Variants in AMBRA1 observed in about 807,000 individuals in gnomAD.
AMBRA1 encodes autophagy and beclin 1 regulator 1.
A neutral mutation model predicts 125.4 loss-of-function variants in AMBRA1; 47 were observed. The ratio of observed to expected loss-of-function variants is 0.37; its 90% CI spans 0.30 to 0.48. AMBRA1 has a LOEUF of 0.48. AMBRA1 is among the 20% of genes least tolerant of loss of function. The probability of loss-of-function intolerance (pLI) is 0.99; values close to 1 mark genes in which losing one functional copy is unlikely to be tolerated. For missense variants in AMBRA1, 1,331 were observed against 1,693.4 expected (o/e 0.79, Z 3.76); for synonymous variants, 626 against 655.5 (o/e 0.95, Z 0.69).
intron 11 of AMBRA1, among the ~76,000 whole-genome samples, chr11:46,474,754 T>C (rs945719922): frequency 6.6e-6 from 1 of 152,152 alleles, no homozygotes; most frequent in Non-Finnish European, 1.5e-5. Context: ...CCAGAAAGGA[T>C]TAGTACTCAT....
chr11:46,424,987 T>C (rs1947049263), intron 14 of AMBRA1, among the ~76,000 whole-genome samples: 1 of 151,430 alleles, frequency 6.6e-6, no homozygotes, highest in Non-Finnish European at 1.5e-5. Flanking sequence ...ATACAAAAAT[T>C]AGCCAGGCTG....
intron 15 of AMBRA1, among the ~76,000 whole-genome samples, chr11:46,417,159 C>A (rs981943876): frequency 6.6e-6 from 1 of 151,846 alleles, no homozygotes. Context: ...TCAAGCGATT[C>A]CCCTGCCTCA....
chr11:46,585,356 A>G (rs2044331387), intron 1 of AMBRA1, among the ~76,000 whole-genome samples: 1 of 150,682 alleles, frequency 6.6e-6, no homozygotes, highest in Non-Finnish European at 1.5e-5. Context: ...ATAAAAATAA[A>G]TAAATAAATA....
rs572531478 is a variant in AMBRA1, at chr11:46,427,341, T to A, written c.2976+6133A>T. Among the ~76,000 whole-genome samples the A allele has an allele frequency of 3.3e-5, 5 of 152,260 alleles. No homozygotes were observed. The South Asian group carries it at 1.0e-3, about 32-fold the overall frequency. ...TCAGCAGCAGCAGCAGCAGCAGCCA[T>A]CATTAGTCTCTGTAAGGATGGATAC... On this transcript the variant is annotated intron_variant, in intron 14 of 17. Transcript: ENST00000683756.
intron 7 of AMBRA1, among the ~76,000 whole-genome samples, chr11:46,537,415 G>GAGACT (rs1952529689): frequency 6.6e-6 from 1 of 152,196 alleles, no homozygotes; most frequent in African/African-American, 2.4e-5. Flanking sequence ...TCATCAGAGA[G>GAGACT]AGACTAGACT....
chr11:46,547,768 A>C (rs1392684749), intron 3 of AMBRA1, 49 bp downstream of exon 3: 1 of 1,558,592 alleles, frequency 6.4e-7, no homozygotes, highest in East Asian at 2.3e-5. Context: ...CCAAATATAC[A>C]GAAAGCACTG....
intron 8 of AMBRA1, among the ~76,000 whole-genome samples, 172 bp downstream of exon 8, chr11:46,512,555 G>A (rs1951303959): frequency 6.6e-6 from 1 of 152,128 alleles, no homozygotes; most frequent in Non-Finnish European, 1.5e-5. Flanking sequence ...CAGAGGTACT[G>A]TTCACTTACC....
rs1373923077 is a variant in AMBRA1 at position 46,397,887 on chromosome 11, G to A, written c.3460C>T (p.Leu1154=). The change falls in exon 18 of 18, where the codon CTG becomes TTG. Residue 1154 remains leucine (L), a synonymous_variant. Coordinates refer to ENST00000683756, the MANE Select transcript of AMBRA1 (RefSeq NM_001387011.1). ...GCTGTCATGCCGCCCTCCGCCATCAGCCTCTGGATCCTGCTGAGCGCATCT... is the reference window on the plus strand; with the variant it reads ...GCTGTCATGCCGCCCTCCGCCATCAACCTCTGGATCCTGCTGAGCGCATCT... ...GEDALSRIQR[L]MAEGGMTAVV... 1.9e-6 allele frequency: 3 copies of A among 1,599,780 alleles called. No homozygotes were observed. Among genetic ancestry groups the A allele is most frequent in the Non-Finnish European group, 2.5e-6 (3 of 1,179,916 alleles).
chr11:46,588,942 G>T (rs977119874), intron 1 of AMBRA1, among the ~76,000 whole-genome samples: 3 of 152,060 alleles, frequency 2.0e-5, no homozygotes, highest in African/African-American at 7.2e-5. Context: ...CAAAAAAATG[G>T]AAAAATAGTA....
intron 11 of AMBRA1, among the ~76,000 whole-genome samples, chr11:46,463,128 G>A (rs897032737): frequency 2.0e-5 from 3 of 152,112 alleles, no homozygotes; most frequent in African/African-American, 7.2e-5. Context: ...AAGCCCCATG[G>A]CACTTTGTTT....
intron 11 of AMBRA1, among the ~76,000 whole-genome samples, chr11:46,478,648 C>CTTT (rs11449187): frequency 0.032 from 2,607 of 81,718 alleles, 35 homozygotes; most frequent in African/African-American, 0.035. Flanking sequence ...TCTTTTTTCT[C>CTTT]TTTTTTTTTT....
Position 46,433,516 on chromosome 11 carries a change from G to C in AMBRA1, c.2934C>G (p.Val978=). 3 of 1,614,180 alleles carry C rather than the reference G, an allele frequency of 1.9e-6. No individual in the cohort carries two copies. The highest frequency in any genetic ancestry group is 2.5e-6 in the Non-Finnish European group (3 of 1,180,012). The change falls in exon 14 of 18, where the codon GTC becomes GTG. Residue 978 remains valine, a synonymous_variant. Transcript: ENST00000683756. ...CACCATGGGCCTGTTGCAGCCTGAAGACCTGGGCCACCATGTGCTCTGTGG... is the reference window on the plus strand; with the variant it reads ...CACCATGGGCCTGTTGCAGCCTGAACACCTGGGCCACCATGTGCTCTGTGG... ...HPSTEHMVAQ[V]FRLQQAHGGE...
At chr11:46,458,890 C>T (rs905076698) in intron 11 of AMBRA1, among the ~76,000 whole-genome samples, 6 of 152,190 alleles carry the variant, frequency 3.9e-5, no homozygotes, top group Admixed American at 1.3e-4. Flanking sequence ...AGGTCCTAGA[C>T]GGCTTTTACT....
intron 14 of AMBRA1, chr11:46,428,564 A>C: frequency 2.6e-6 from 3 of 1,152,180 alleles, no homozygotes; most frequent in Non-Finnish European, 3.8e-6. Flanking sequence ...GGCAATGAGG[A>C]TCTTTTCCAC....
At chr11:46,416,273 A>G (rs1379824193) in intron 15 of AMBRA1, among the ~76,000 whole-genome samples, 1 of 152,198 alleles carries the variant, frequency 6.6e-6, no homozygotes, top group African/African-American at 2.4e-5. Context: ...GTATTTCAGG[A>G]CAGATCCTGG....
At chr11:46,540,751 T>A (rs1174942995) in intron 7 of AMBRA1, among the ~76,000 whole-genome samples, 2 of 152,254 alleles carry the variant, frequency 1.3e-5, no homozygotes, top group African/African-American at 2.4e-5. Flanking sequence ...CTACATCCAA[T>A]CTCGGTACCA....
At position 46,506,963 on chromosome 11, in the gene AMBRA1, A is replaced by T. The variant is rs186523892; in HGVS notation, c.2339+1228T>A. Among the ~76,000 whole-genome samples, 13 of 150,864 alleles carry T rather than the reference A, an allele frequency of 8.6e-5. No individual in the cohort carries two copies. The South Asian group carries it at 2.1e-3, about 24-fold the overall frequency. ...GGCGGATCACAAGGTCAAGAGATGG[A>T]GACCATCCTGGCTAACAAAGTGAAA... is the stretch of plus-strand genomic sequence containing the variant. On this transcript the variant is annotated intron_variant, in intron 9 of 17. Transcript: ENST00000683756.
intron 7 of AMBRA1, among the ~76,000 whole-genome samples, chr11:46,532,747 A>G (rs1952276006): frequency 6.6e-6 from 1 of 152,202 alleles, no homozygotes; most frequent in Non-Finnish European, 1.5e-5. Flanking sequence ...AAGAGTTCTA[A>G]TCTATGAAAT....
intron 1 of AMBRA1, among the ~76,000 whole-genome samples, chr11:46,577,925 G>C (rs2044016805): frequency 6.6e-6 from 1 of 152,040 alleles, no homozygotes; most frequent in Non-Finnish European, 1.5e-5. Context: ...ACTCCAGCCT[G>C]GGCAACAAGA....
Sources: gnomAD v4.1 joint callset for allele counts (sites outside exome capture counted in the v4.1 genomes callset) on GRCh38, gnomAD v4.1.1 for gene constraint, MANE v1.5 for transcripts, NCBI Gene and HGNC (gene_info 2026-07-23, HGNC 2026-07-21) for gene names.